Variants in RBM44 observed in about 807,000 individuals in gnomAD.
RBM44 encodes the protein RNA binding motif protein 44.
In RBM44, 66 loss-of-function variants were observed where a neutral mutation model predicts 105.1. The observed-to-expected ratio is 0.63, with a 90% CI of 0.52 to 0.77. The LOEUF is 0.77. Ranked by LOEUF, RBM44 falls within the 30% of genes least tolerant of loss-of-function variation. The probability of loss-of-function intolerance (pLI) is 0.00; values close to 1 mark genes in which losing one functional copy is unlikely to be tolerated. For missense variants in RBM44, 1,122 were observed against 1,207.8 expected (o/e 0.93, Z 1.05); for synonymous variants, 365 against 417.6 (o/e 0.87, Z 1.54).
rs149987357 is a variant in RBM44 at position 237,839,214 on chromosome 2, A to C, written c.*23-2625A>C. 6.0e-3 allele frequency among the ~76,000 whole-genome samples: 907 copies of C among 152,242 alleles called. 19 individuals are homozygous for C. The highest frequency in any genetic ancestry group is 0.051 in the Admixed American group (779 of 15,278). On this transcript the variant is annotated intron_variant, in intron 15 of 15. Coordinates refer to ENST00000316997, the MANE Select transcript of RBM44 (RefSeq NM_001080504.3). ...ATCAGAACAACGAATCCATGTTGTA[A>C]ATCTGGGGGCAACTACTAAAAGAAC...
chr2:237,805,726 AG>A (rs1369324302), intron 1 of RBM44, among the ~76,000 whole-genome samples: 3 of 152,220 alleles, frequency 2.0e-5, no homozygotes, highest in Non-Finnish European at 4.4e-5. Context: ...GCACTTTGTG[AG>A]GCCAAGGCGG....
chr2:237,839,762 G>A (rs1317079726), intron 15 of RBM44, among the ~76,000 whole-genome samples: 1 of 151,944 alleles, frequency 6.6e-6, no homozygotes, highest in African/African-American at 2.4e-5. Context: ...ACAAAAGCAT[G>A]GACAACAAAA....
At chr2:237,810,607 G>T (rs894220746) in intron 1 of RBM44, among the ~76,000 whole-genome samples, 7 of 152,176 alleles carry the variant, frequency 4.6e-5, no homozygotes, top group African/African-American at 1.7e-4. Context: ...AAAGAGAAAA[G>T]ATTTATTTGC....
In RBM44 at chr2:237,834,155, A is replaced by G. The variant is rs1273568633; in HGVS notation, c.3032+13A>G. On this transcript the variant is annotated intron_variant, in intron 14 of 15. Transcript: ENST00000316997. ...CAGAAGTCAGCAGGTAATAACCAAA[A>G]TTATATTTTAACTGCTTTAAAACTT... 6.5e-7 allele frequency: 1 copy of G among 1,548,512 alleles called. No individual in the cohort carries two copies. The highest frequency in any genetic ancestry group is 1.4e-5 in the African/African-American group (1 of 72,598).
intron 1 of RBM44, chr2:237,799,107 C>G (rs2061517611): frequency 6.6e-6 from 1 of 152,144 alleles, no homozygotes; most frequent in African/African-American, 2.4e-5. Context: ...GCGCCGACAC[C>G]GCAAAAGTCG....
chr2:237,827,104 T>C, intron 10 of RBM44, 146 bp from the exon 11 acceptor site: 1 of 598,436 alleles, frequency 1.7e-6, no homozygotes, highest in Non-Finnish European at 3.0e-6. Context: ...TAGTCCTCAG[T>C]CTAGAAGTGC....
At position 237,811,666 on chromosome 2, in the gene RBM44, C is replaced by T. The variant is rs75165931; in HGVS notation, c.-18-1926C>T. Among the ~76,000 whole-genome samples the T allele has an allele frequency of 4.5e-3, 679 of 150,948 alleles. 3 individuals are homozygous for T. The highest frequency in any genetic ancestry group is 0.016 in the African/African-American group (658 of 41,132). On this transcript the variant is annotated intron_variant, in intron 1 of 15. Coordinates refer to ENST00000316997, the MANE Select transcript of RBM44 (RefSeq NM_001080504.3). ...TTTCATGGTTGATAATGCTGTTCACCTGCTTCTGAGTCTTTAAAAAAAAAA... is the reference window on the plus strand; with the variant it reads ...TTTCATGGTTGATAATGCTGTTCACTTGCTTCTGAGTCTTTAAAAAAAAAA...
chr2:237,801,592 G>T (rs1335293132), intron 1 of RBM44, among the ~76,000 whole-genome samples: 4 of 152,124 alleles, frequency 2.6e-5, no homozygotes, highest in South Asian at 2.1e-4. Context: ...CTCCTAAAGT[G>T]CTGGGATTAC....
At chr2:237,833,416 T>C (rs1198814) in intron 13 of RBM44, among the ~76,000 whole-genome samples, 23,698 of 152,244 alleles carry the variant, frequency 0.16, 1,987 homozygotes, top group South Asian at 0.19. Flanking sequence ...CATTTTAATT[T>C]TGTCTCTTCG....
At position 237,798,953 on chromosome 2, in the gene RBM44, C is replaced by G. The variant is rs1254606063; in HGVS notation, c.-19+92C>G. 2.6e-5 allele frequency: 4 copies of G among 152,026 alleles called. No homozygotes were observed. Among genetic ancestry groups the G allele is most frequent in the Non-Finnish European group, 5.9e-5 (4 of 68,042 alleles). 9.4% of individuals were successfully genotyped at this position (152,026 alleles called of 1,614,324 possible). On this transcript the variant is annotated intron_variant, in intron 1 of 15. Transcript: ENST00000316997. This position sits in a 1 kb window ranked among gnomAD's most constrained non-coding sequence, Gnocchi z 4.3. ...TTGAGCGGTCGGGGTTGGCGAACCC[C>G]GCGTGTGGCCGGTCCCGGCGGCGAG...
intron 8 of RBM44, 50 bp from the exon 9 acceptor site, chr2:237,823,390 C>T (rs2061814346): frequency 2.4e-6 from 2 of 822,066 alleles, no homozygotes; most frequent in East Asian, 5.4e-5. Flanking sequence ...ATAGTAAGAG[C>T]ATAATAATTA....
At chr2:237,839,094 A>G (rs964860900) in intron 15 of RBM44, among the ~76,000 whole-genome samples, 2 of 152,200 alleles carry the variant, frequency 1.3e-5, no homozygotes, top group Non-Finnish European at 2.9e-5. Context: ...GTTCCTAGTT[A>G]CCAGCCAGGG....
At position 237,818,307 on chromosome 2, in the gene RBM44, C is replaced by T. The variant is rs1233727862; in HGVS notation, c.1388C>T (p.Thr463Ile). Residue 463 changes from threonine to isoleucine, a missense_variant, in exon 3 of 16, where the codon ACA (threonine) becomes ATA (isoleucine). By Grantham distance (89) the Thr-to-Ile change is moderately conservative (BLOSUM62 -1). Around this residue, in one of 3 missense-constraint regions of RBM44, gnomAD observed 918 missense variants for 955.3 expected, o/e 0.96. Coordinates refer to ENST00000316997, the MANE Select transcript of RBM44 (RefSeq NM_001080504.3). This position sits in a 1 kb window ranked among gnomAD's most constrained non-coding sequence, Gnocchi z 4.6. ...ACAGATGCAGCAAGTTGTACAGTCA[C>T]AATTAATCAGACAGTGGACGTTAGC... is the stretch of plus-strand genomic sequence containing the variant. Reference protein sequence around the residue: ...SLTDAASCTVTINQTVDVSTD... With the variant: ...SLTDAASCTVIINQTVDVSTD... The T allele has an allele frequency of 6.2e-7, 1 of 1,613,032 alleles. No homozygotes were observed. The highest frequency in any genetic ancestry group is 8.5e-7 in the Non-Finnish European group (1 of 1,179,452).
intron 2 of RBM44, among the ~76,000 whole-genome samples, chr2:237,816,156 A>G (rs1394250980): frequency 2.6e-5 from 4 of 152,182 alleles, no homozygotes; most frequent in Non-Finnish European, 4.4e-5. Context: ...ATTTTGTTTC[A>G]AAACACTTTT....
chr2:237,837,207 A>G, intron 15 of RBM44, among the ~76,000 whole-genome samples: 1 of 152,230 alleles, frequency 6.6e-6, no homozygotes, highest in East Asian at 1.9e-4. Flanking sequence ...GAGATGTAGA[A>G]GGAAATTAAT....
At chr2:237,815,514 G>C (rs2061705545) in intron 2 of RBM44, among the ~76,000 whole-genome samples, 1 of 152,074 alleles carries the variant, frequency 6.6e-6, no homozygotes, top group Non-Finnish European at 1.5e-5. Context: ...TGATATTTAA[G>C]TGAGTATTTA....
intron 13 of RBM44, 22 bp downstream of exon 13, chr2:237,829,524 C>T (rs547080636): frequency 2.5e-6 from 4 of 1,585,996 alleles, no homozygotes; most frequent in African/African-American, 2.7e-5. Context: ...TGATAGATCC[C>T]TTAAATGGTC....
Position 237,817,124 on chromosome 2 carries a change from A to C in RBM44, c.205A>C (p.Ser69Arg). The C allele has an allele frequency of 1.2e-6, 2 of 1,609,562 alleles. No homozygotes were observed. The highest frequency in any genetic ancestry group is 1.7e-6 in the Non-Finnish European group (2 of 1,178,352). The change falls in exon 3 of 16, where the codon AGC (serine) becomes CGC (arginine). Residue 69 changes from serine (S) to arginine (R), a missense_variant. Transcript: ENST00000316997. ...GCAAAGAGCTAATAATAAAGAAATC[A>C]GCAATATTGACAAAATGGATTTATT... The part of the protein sequence containing the change: ...LEQRANNKEI[S>R]NIDKMDLLEP...
rs774614635 is a variant in RBM44, at chr2:237,824,337, A to G, written c.2367A>G (p.Lys789=). The G allele has an allele frequency of 6.8e-6, 11 of 1,613,156 alleles. No individual in the cohort carries two copies. Among genetic ancestry groups the G allele is most frequent in the South Asian group, 1.1e-5 (1 of 91,036 alleles). ...QETSEDWSDA[K]ESLTGVDVSG... ...CAAGCGAAGACTGGTCTGATGCTAAAGAGAGCCTGACAGGAGTTGACGTCT... is the reference window on the plus strand; with the variant it reads ...CAAGCGAAGACTGGTCTGATGCTAAGGAGAGCCTGACAGGAGTTGACGTCT... Residue 789 remains lysine, a synonymous_variant, in exon 10 of 16, where the codon AAA becomes AAG. Transcript: ENST00000316997.
Sources: allele counts gnomAD v4.1 joint callset (sites outside exome capture counted in the v4.1 genomes callset), GRCh38; gene constraint gnomAD v4.1.1; regional missense constraint gnomAD v4.1.1; non-coding constraint Gnocchi (gnomAD v3.1); transcripts MANE v1.5; gene names NCBI Gene and HGNC (gene_info 2026-07-23, HGNC 2026-07-21).